The following PCDHA1 variants were observed in gnomAD, a reference collection of about 807,000 sequenced individuals.
PCDHA1 encodes protocadherin alpha 1.
PCDHA1 carries 42 observed loss-of-function variants against 61.3 expected under a neutral mutation model. The ratio of observed to expected loss-of-function variants is 0.69; its 90% CI spans 0.54 to 0.89. The LOEUF (loss-of-function observed/expected upper bound fraction) is 0.89. PCDHA1 is among the 40% of genes least tolerant of loss of function. PCDHA1 has a pLI of 0.00. For missense variants in PCDHA1, 1,256 were observed against 1,235.3 expected, an observed-to-expected ratio of 1.02 and a Z score of -0.25; for synonymous variants, 610 against 553.8, an observed-to-expected ratio of 1.10 and a Z score of -1.43.
At chr5:140,808,652 C>A in intron 1 of PCDHA1, 1 of 1,613,260 alleles carries the variant, frequency 6.2e-7, no homozygotes, top group Non-Finnish European at 8.5e-7. Context: ...GGAGAACGCG[C>A]TGGTGTCCTA....
intron 1 of PCDHA1, among the ~76,000 whole-genome samples, chr5:140,943,778 G>A (rs1554215923): frequency 6.6e-6 from 1 of 152,242 alleles, no homozygotes; most frequent in African/African-American, 2.4e-5. Flanking sequence ...AAACTAGGAA[G>A]TGGTCCTTTA....
intron 1 of PCDHA1, among the ~76,000 whole-genome samples, chr5:140,879,471 T>C (rs1320951448): frequency 1.3e-5 from 2 of 152,154 alleles, no homozygotes; most frequent in Non-Finnish European, 2.9e-5. Context: ...AGAATACCGT[T>C]GTGATTGGAA....
chr5:140,969,260 C>T (rs782595245), intron 1 of PCDHA1: 11 of 1,614,110 alleles, frequency 6.8e-6, no homozygotes, highest in Non-Finnish European at 6.8e-6. Flanking sequence ...CAGCAGGAAT[C>T]TCACAGGCCA....
At position 140,786,961 on chromosome 5, in the gene PCDHA1, G is replaced by T. The variant is rs191020588; in HGVS notation, c.671G>T (p.Gly224Val). ...GATGGGGGCAAACCGGAGCTGCAAGGTACAGTTGAGCTGCTGATCACCGTC... is the reference window on the plus strand; with the variant it reads ...GATGGGGGCAAACCGGAGCTGCAAGTTACAGTTGAGCTGCTGATCACCGTC... ...ATDGGKPELQGTVELLITVLD... is the reference protein window; with the variant it reads ...ATDGGKPELQVTVELLITVLD... Residue 224 changes from glycine to valine, a missense_variant, in exon 1 of 4, where the codon GGT (glycine) becomes GTT (valine). Physicochemically the swap from Gly to Val is moderately radical, Grantham distance 109. Coordinates refer to ENST00000504120, the MANE Select transcript of PCDHA1 (RefSeq NM_018900.4). 1.9e-6 allele frequency: 3 copies of T among 1,614,022 alleles called. No homozygotes were observed. Among genetic ancestry groups the T allele is most frequent in the East Asian group, 2.2e-5 (1 of 44,890 alleles).
intron 1 of PCDHA1, among the ~76,000 whole-genome samples, chr5:140,925,606 C>A (rs1554202814): frequency 1.3e-5 from 2 of 150,882 alleles, no homozygotes; most frequent in African/African-American, 4.9e-5. Context: ...TGTAACAAAC[C>A]TGCACGTTGT....
At chr5:140,821,803 G>A (rs2150110763) in intron 1 of PCDHA1, 1 of 1,613,140 alleles carries the variant, frequency 6.2e-7, no homozygotes, top group African/African-American at 1.3e-5. Flanking sequence ...AGGAAGTCTG[G>A]GATCCCGGCT....
At chr5:140,836,046 G>A (rs2150251403) in intron 1 of PCDHA1, 3 of 1,613,572 alleles carry the variant, frequency 1.9e-6, no homozygotes, top group Admixed American at 1.7e-5. Context: ...GCAGGTGTTC[G>A]TGCTGGACGA....
intron 1 of PCDHA1, among the ~76,000 whole-genome samples, chr5:140,885,665 G>A (rs2060682140): frequency 6.6e-6 from 1 of 152,114 alleles, no homozygotes; most frequent in Non-Finnish European, 1.5e-5. Flanking sequence ...CCAGTTATGA[G>A]CACTCTTTCT....
At chr5:141,005,332 A>G (rs1479899678) in intron 3 of PCDHA1, among the ~76,000 whole-genome samples, 2 of 152,188 alleles carry the variant, frequency 1.3e-5, no homozygotes, top group Non-Finnish European at 2.9e-5. Context: ...ATAATAGGCC[A>G]AGGGGGTGCT....
chr5:140,870,707 G>A, intron 1 of PCDHA1: 1 of 1,613,076 alleles, frequency 6.2e-7, no homozygotes, highest in Non-Finnish European at 8.5e-7. Context: ...TTCCAGGTGA[G>A]CGCGCGCGAT....
chr5:140,786,608 G>A lies in PCDHA1; in HGVS notation c.318G>A (p.Leu106=), dbSNP rs1761320699. The stretch of plus-strand genomic sequence containing the variant: ...GGAGCGCGGAGTGCAGCATCCACCT[G>A]GAGTTGATCGCCGACAGGCCGCTGC... The part of the protein sequence containing the change: ...CQWSAECSIH[L]ELIADRPLQV... Residue 106 remains leucine, a synonymous_variant, in exon 1 of 4, where the codon CTG becomes CTA. Transcript: ENST00000504120. 6.2e-7 allele frequency: 1 copy of A among 1,614,142 alleles called. No individual in the cohort carries two copies. Among genetic ancestry groups the A allele is most frequent in the Non-Finnish European group, 8.5e-7 (1 of 1,180,052 alleles).
chr5:140,885,138 T>C (rs1582817960), intron 1 of PCDHA1, among the ~76,000 whole-genome samples: 1 of 152,206 alleles, frequency 6.6e-6, no homozygotes, highest in Admixed American at 6.5e-5. Context: ...TTTCTTTTTT[T>C]AAACTGTTTT....
chr5:140,904,589 G>A (rs1562945664), intron 1 of PCDHA1, among the ~76,000 whole-genome samples: 1 of 151,976 alleles, frequency 6.6e-6, no homozygotes, highest in Non-Finnish European at 1.5e-5. Flanking sequence ...CCAGTAGTGG[G>A]ACTGCTGGAT....
chr5:140,934,001 T>A (rs2089559391), intron 1 of PCDHA1, among the ~76,000 whole-genome samples: 1 of 152,066 alleles, frequency 6.6e-6, no homozygotes, highest in Admixed American at 6.6e-5. Context: ...TCACCTCTCA[T>A]TTTTCTTGAC....
chr5:140,809,882 T>G, intron 1 of PCDHA1: 1 of 234,824 alleles, frequency 4.3e-6, no homozygotes, highest in Non-Finnish European at 8.2e-6. Flanking sequence ...ATTTAACCTA[T>G]TACATATAAA....
chr5:140,845,064 A>G (rs1225142446), intron 1 of PCDHA1, among the ~76,000 whole-genome samples: 1 of 149,468 alleles, frequency 6.7e-6, no homozygotes, highest in Non-Finnish European at 1.5e-5. Flanking sequence ...GGTAACCTCA[A>G]AGCAGCATTG....
intron 3 of PCDHA1, among the ~76,000 whole-genome samples, chr5:140,999,721 G>T (rs2097872214): frequency 6.6e-6 from 1 of 152,150 alleles, no homozygotes; most frequent in South Asian, 2.1e-4. Flanking sequence ...ACGGAGACCA[G>T]CCATTCCAAT....
At chr5:140,911,153 C>T (rs921838811) in intron 1 of PCDHA1, among the ~76,000 whole-genome samples, 2 of 152,048 alleles carry the variant, frequency 1.3e-5, no homozygotes, top group Non-Finnish European at 2.9e-5. Flanking sequence ...TCTCCTCAGA[C>T]AAATGTGGAA....
intron 2 of PCDHA1, among the ~76,000 whole-genome samples, chr5:140,981,515 A>C (rs1554242933): frequency 1.3e-5 from 2 of 152,230 alleles, no homozygotes. Context: ...CAGAGGTTGC[A>C]GTGAGCTGAG....
Sources: allele counts gnomAD v4.1 joint callset (sites outside exome capture counted in the v4.1 genomes callset), GRCh38; gene constraint gnomAD v4.1.1; transcripts MANE v1.5; gene names NCBI Gene and HGNC (gene_info 2026-07-23, HGNC 2026-07-21).